The following TH variants were observed in gnomAD, a reference collection of about 807,000 sequenced individuals.
TH encodes tyrosine hydroxylase, also known as tyrosine 3-monooxygenase.
TH carries 49 observed loss-of-function variants against 57.4 expected under a neutral mutation model. The observed-to-expected ratio is 0.85, with a 90% confidence interval of 0.68 to 1.08. The LOEUF is 1.08. Among genes scored for constraint, TH ranks in the 50% least tolerant of loss-of-function variants. The pLI, the probability that TH is intolerant of heterozygous loss-of-function variation, is 0.00. For missense variants in TH, 720 were observed against 696.7 expected, an observed-to-expected ratio of 1.03 and a Z score of -0.38; for synonymous variants, 330 against 304.5, an observed-to-expected ratio of 1.08 and a Z score of -0.87.
chr11:2,167,816 G>C, intron 5 of TH, 50 bp downstream of exon 5: 1 of 1,549,336 alleles, frequency 6.5e-7, no homozygotes, highest in Non-Finnish European at 8.8e-7. Flanking sequence ...CCCAGGTCCA[G>C]CGTCAGCCTG....
At position 2,167,910 on chromosome 11, in the gene TH, G is replaced by A. The variant is rs748661920; in HGVS notation, c.600C>T (p.Arg200=). Residue 200 remains arginine (R), a synonymous_variant, in exon 5 of 13, where the codon CGC becomes CGT. Coordinates refer to ENST00000352909, the MANE Select transcript of TH (RefSeq NM_000360.4). ...DHPGFSDQVY[R]QRRKLIAEIA... The stretch of plus-strand genomic sequence containing the variant: ...TCTCAGCAATCAGCTTCCTGCGCTG[G>A]CGGTACACCTGGTCCGAGAAGCCCT... 2.5e-6 allele frequency: 4 copies of A among 1,611,398 alleles called. No individual in the cohort carries two copies. The Admixed American group carries it at 6.7e-5, about 27-fold the overall frequency.
In TH at chr11:2,170,484, C is replaced by T. The variant is rs776512436; in HGVS notation, c.91-613G>A. Among the ~76,000 whole-genome samples, 33 of 152,150 alleles carry T rather than the reference C, an allele frequency of 2.2e-4. No homozygotes were observed. The highest frequency in any genetic ancestry group is 7.7e-4 in the East Asian group (4 of 5,174). On this transcript the variant is annotated intron_variant, in intron 1 of 12. Coordinates refer to ENST00000352909, the MANE Select transcript of TH (RefSeq NM_000360.4). This position sits in a 1 kb window ranked among gnomAD's most constrained non-coding sequence, Gnocchi z 6.0. ...CGCAGGTGTCTCTCCCTGGGCTCAGCGCCTCTGACCCCTCGATCCCAGAGC... is the reference window on the plus strand; with the variant it reads ...CGCAGGTGTCTCTCCCTGGGCTCAGTGCCTCTGACCCCTCGATCCCAGAGC...
intron 2 of TH, 76 bp from the exon 3 acceptor site, chr11:2,168,741 G>GCCCCCCCC: frequency 2.2e-6 from 1 of 452,424 alleles, no homozygotes; most frequent in Middle Eastern, 6.9e-4. Context: ...GGTGGGCGGG[G>GCCCCCCCC]AGGAGGCACA....
intron 11 of TH, 127 bp downstream of exon 11, chr11:2,165,541 T>C: frequency 1.5e-6 from 2 of 1,353,846 alleles, no homozygotes; most frequent in Non-Finnish European, 2.1e-6. Context: ...ACAAGCCTTC[T>C]CCCAAACAGA....
In TH at chr11:2,168,300, G is replaced by A. The variant is rs537223570; in HGVS notation, c.488-121C>T. The A allele has an allele frequency of 5.1e-6, 7 of 1,361,344 alleles. No homozygotes were observed. The East Asian group carries it at 1.4e-4, about 27-fold the overall frequency. The allele number at this position is 1,361,344 out of a possible 1,614,324, so 84.3% of individuals were successfully genotyped here. A position where few individuals can be genotyped will look rare whatever the true frequency, so the allele number is the denominator to read the frequency against. On this transcript the variant is annotated intron_variant, in intron 3 of 12. Coordinates refer to ENST00000352909, the MANE Select transcript of TH (RefSeq NM_000360.4). ...GGCAGAGGCAGCCGGGGCTGTGAGA[G>A]CTGCGGGGGGATCCTGGAGTGGCCC... is the stretch of plus-strand genomic sequence containing the variant.
rs964759426 is a variant in TH at position 2,165,591 on chromosome 11, T to C, written c.1200+77A>G. ...GGTCCAGGCCTCAGTTTCCTCCCAC[T>C]GGGAGCCTGTCCCCTCCCTGCACCG... On this transcript the variant is annotated intron_variant, in intron 11 of 12. Coordinates refer to ENST00000352909, the MANE Select transcript of TH (RefSeq NM_000360.4). 3 of 1,497,686 alleles carry C rather than the reference T, an allele frequency of 2.0e-6. No individual in the cohort carries two copies. The South Asian group carries it at 3.5e-5, about 17-fold the overall frequency. 92.8% of individuals were successfully genotyped at this position (1,497,686 alleles called of 1,614,324 possible). A position where few individuals can be genotyped will look rare whatever the true frequency, so the allele number is the denominator to read the frequency against.
chr11:2,166,792 T>A, intron 7 of TH, 24 bp from the exon 8 acceptor site: 1 of 1,547,836 alleles, frequency 6.5e-7, no homozygotes, highest in African/African-American at 1.4e-5. Context: ...CGCGGGTCAC[T>A]GCCGAGCCGG....
chr11:2,167,954 C>G (rs761484700), intron 4 of TH, 21 bp from the exon 5 acceptor site: 1 of 1,610,938 alleles, frequency 6.2e-7, no homozygotes, highest in Non-Finnish European at 8.5e-7. Flanking sequence ...AGGGGATGCA[C>G]GGGTCAGGAG....
chr11:2,171,706 C>A lies in TH; in HGVS notation c.81G>T (p.Glu27Asp), dbSNP rs139742336. 3.2e-4 allele frequency: 511 copies of A among 1,612,396 alleles called. No individual in the cohort carries two copies. The African/African-American group carries it at 5.9e-3, about 19-fold the overall frequency. The change falls in exon 1 of 13, where the codon GAG becomes GAT. Residue 27 changes from glutamate (E) to aspartate (D), a missense_variant. Transcript: ENST00000352909. This position sits in a 1 kb window ranked among gnomAD's most constrained non-coding sequence, Gnocchi z 8.6. ...CTACCTGCCCTCTTACCATGATGGC[C>A]TCTGCCTGCTTGGCGTCCAGCTCAG... Reference protein sequence around the residue: ...AVSELDAKQAEAIMSPRFIGR... With the variant: ...AVSELDAKQADAIMSPRFIGR...
intron 2 of TH, 76 bp from the exon 3 acceptor site, chr11:2,168,741 G>GGGGGGGGGGGGGGGGGGCCC: frequency 2.2e-6 from 1 of 452,424 alleles, no homozygotes; most frequent in Non-Finnish European, 4.5e-6. Flanking sequence ...GGTGGGCGGG[G>GGGGGGGGGGGGGGGGGGCCC]AGGAGGCACA....
chr11:2,165,334 GC>G lies in TH; in HGVS notation c.1231del (p.Ala411ProfsTer47), dbSNP rs772959299. On this transcript the variant is annotated frameshift_variant, in exon 12 of 13. Coordinates refer to ENST00000352909, the MANE Select transcript of TH (RefSeq NM_000360.4). LOFTEE classifies it high-confidence loss of function. ...HCLSEEPEIR[A>X]FDPEAAAVQP... ...CACGGCCGCAGCCTCAGGGTCGAAG[GC>G]CCGAATCTCAGGCTCCTCAGACAGG... 1 of 1,612,128 alleles carries G rather than the reference GC, an allele frequency of 6.2e-7. No individual in the cohort carries two copies. Among genetic ancestry groups the G allele is most frequent in the Non-Finnish European group, 8.5e-7 (1 of 1,179,988 alleles).
Position 2,165,668 on chromosome 11 carries a change from C to T in TH, c.1200G>A (p.Leu400=), listed in dbSNP as rs915383461. ...AGLLSSYGEL[L]HCLSEEPEIR... ...GGCTGCAGCAAGGAGAGACTCTCAC[C>T]AGGAGCTCCCCGTAGGAGGACAGCA... Residue 400 remains leucine, a splice_region_variant and synonymous_variant, in exon 11 of 13, where the codon CTG becomes CTA. Coordinates refer to ENST00000352909, the MANE Select transcript of TH (RefSeq NM_000360.4). 4.3e-6 allele frequency: 7 copies of T among 1,612,554 alleles called. No homozygotes were observed. Among genetic ancestry groups the T allele is most frequent in the Non-Finnish European group, 5.9e-6 (7 of 1,179,906 alleles).
chr11:2,168,221 C>T (rs1201594017), intron 3 of TH, 42 bp from the exon 4 acceptor site: 1 of 1,598,874 alleles, frequency 6.3e-7, no homozygotes, highest in African/African-American at 1.3e-5. Flanking sequence ...GAGCTCGGAG[C>T]CGTGGGGCTG....
chr11:2,168,326 C>T, intron 3 of TH, 147 bp from the exon 4 acceptor site: 1 of 1,354,844 alleles, frequency 7.4e-7, no homozygotes, highest in Non-Finnish European at 1.0e-6. Context: ...GGAGTGGCCC[C>T]AGGCCCGGAC....
Position 2,166,999 on chromosome 11 carries a change from G to A in TH, c.729C>T (p.Tyr243=), listed in dbSNP as rs878855308. ...KEVYTTLKGL[Y]ATHACGEHLE... ...GGTGCTCCCCGCAGGCGTGCGTGGCGTAGAGGCCCTTCAGCGTGGTGTAGA... is the reference window on the plus strand; with the variant it reads ...GGTGCTCCCCGCAGGCGTGCGTGGCATAGAGGCCCTTCAGCGTGGTGTAGA... The change falls in exon 7 of 13, where the codon TAC becomes TAT. Residue 243 remains tyrosine, a synonymous_variant. Coordinates refer to ENST00000352909, the MANE Select transcript of TH (RefSeq NM_000360.4). The A allele has an allele frequency of 2.7e-5, 43 of 1,588,754 alleles. No homozygotes were observed. Among genetic ancestry groups the A allele is most frequent in the Middle Eastern group, 3.3e-4 (2 of 6,052 alleles).
Position 2,171,597 on chromosome 11 carries a change from G to A in TH, c.90+100C>T. On this transcript the variant is annotated intron_variant, in intron 1 of 12. Coordinates refer to ENST00000352909, the MANE Select transcript of TH (RefSeq NM_000360.4). This position sits in a 1 kb window ranked among gnomAD's most constrained non-coding sequence, Gnocchi z 8.6. ...TCCCAGGGGTTTGCATGGACCCTGA[G>A]CCTGGGGCTGCCAGCCAGGCTGGGG... 2 of 1,353,192 alleles carry A rather than the reference G, an allele frequency of 1.5e-6. No individual in the cohort carries two copies. The highest frequency in any genetic ancestry group is 2.1e-6 in the Non-Finnish European group (2 of 966,470). 83.8% of individuals were successfully genotyped at this position (1,353,192 alleles called of 1,614,324 possible).
Position 2,164,135 on chromosome 11 carries a change from T to TG in TH, c.*97dup. 1.7e-6 allele frequency: 2 copies of TG among 1,154,792 alleles called. No homozygotes were observed. Among genetic ancestry groups the TG allele is most frequent in the Non-Finnish European group, 2.2e-6 (2 of 891,580 alleles). The allele number at this position is 1,154,792 out of a possible 1,614,324, so 71.5% of individuals were successfully genotyped here. ...TGGGAGCCTGGCAGCAGGGAGGGCA[T>TG]GGGGGGCACCCGGGACCCAGCCCCT... is the stretch of plus-strand genomic sequence containing the variant. On this transcript the variant is annotated 3_prime_UTR_variant, in exon 13 of 13. Transcript: ENST00000352909.
At chr11:2,167,778 T>C in intron 5 of TH, 88 bp downstream of exon 5, 1 of 1,442,818 alleles carries the variant, frequency 6.9e-7, no homozygotes, top group Non-Finnish European at 9.5e-7. Context: ...ACAAGATGGG[T>C]CCTCCCCTTT....
At position 2,168,571 on chromosome 11, in the gene TH, A is replaced by C; in HGVS notation, c.407T>G (p.Val136Gly). Residue 136 changes from valine to glycine, a missense_variant, in exon 3 of 13, where the codon GTG (valine) becomes GGG (glycine). Physicochemically the swap from Val to Gly is moderately radical, Grantham distance 109. Transcript: ENST00000352909. ...PHLEYFVRLEVRRGDLAALLS... is the reference protein window; with the variant it reads ...PHLEYFVRLEGRRGDLAALLS... ...CAGGGCGGCCAGGTCCCCTCGGCGC[A>C]CCTCGAGGCGCACGAAGTACTCCAG... The C allele has an allele frequency of 1.2e-6, 2 of 1,611,690 alleles. No individual in the cohort carries two copies. The highest frequency in any genetic ancestry group is 1.7e-6 in the Non-Finnish European group (2 of 1,179,638).
Sources: allele counts gnomAD v4.1 joint callset (sites outside exome capture counted in the v4.1 genomes callset), GRCh38; gene constraint gnomAD v4.1.1; non-coding constraint Gnocchi (gnomAD v3.1); transcripts MANE v1.5; gene names NCBI Gene and HGNC (gene_info 2026-07-23, HGNC 2026-07-21).